The following RYR1 variants were observed in gnomAD, a reference collection of about 807,000 sequenced individuals.
RYR1 encodes ryanodine receptor 1.
RYR1 carries 342 observed loss-of-function variants against 583.5 expected under a neutral mutation model. That is an observed-to-expected ratio of 0.59 (90% CI 0.54 to 0.64). The LOEUF (loss-of-function observed/expected upper bound fraction) is 0.64, where lower values mean the gene tolerates loss of function less well. Ranked by LOEUF, RYR1 falls within the 30% of genes least tolerant of loss-of-function variation. RYR1 has a pLI of 0.00. For synonymous variants in RYR1, 2,791 were observed against 2,822.5 expected, an observed-to-expected ratio of 0.99 and a Z score of 0.35; for missense variants, 6,032 against 6,917.2, an observed-to-expected ratio of 0.87 and a Z score of 4.54.
rs140128718 is a variant in RYR1, at chr19:38,538,540, A to G, written c.11689+580A>G. ...AATTTGCCCAAATGGACAATTTGTC[A>G]CATGCTATTTTCCCACAGGCGCTCT... On this transcript the variant is annotated intron_variant, in intron 84 of 105. Transcript: ENST00000359596. The G allele has an allele frequency of 3.9e-3, 602 of 155,010 alleles. 3 individuals carry two copies. The highest frequency in any genetic ancestry group is 0.014 in the African/African-American group (562 of 41,588). The allele number at this position is 155,010 out of a possible 1,614,324, so 9.6% of individuals were successfully genotyped here. A position where few individuals can be genotyped will look rare whatever the true frequency, so the allele number is the denominator to read the frequency against.
chr19:38,503,576 C>T (rs1238322164), intron 49 of RYR1, among the ~76,000 whole-genome samples: 1 of 152,080 alleles, frequency 6.6e-6, no homozygotes, highest in Non-Finnish European at 1.5e-5. Context: ...AGTTCGAGAC[C>T]AGCCTGGCCA....
At chr19:38,463,720 A>G (rs1399723492) in intron 21 of RYR1, 27 bp from the exon 22 acceptor site, 2 of 1,600,738 alleles carry the variant, frequency 1.2e-6, no homozygotes, top group African/African-American at 1.3e-5. Context: ...AGGGGAGCAC[A>G]TGGAGTTGAC....
At chr19:38,572,726 C>G (rs1454269084) in intron 95 of RYR1, among the ~76,000 whole-genome samples, 1 of 152,044 alleles carries the variant, frequency 6.6e-6, no homozygotes, top group Non-Finnish European at 1.5e-5. Context: ...CCACAGCTCC[C>G]CTGTTCTCAC....
In RYR1 at chr19:38,494,447, C is replaced by T. The variant is rs1294930478; in HGVS notation, c.6370C>T (p.Leu2124=). 3.1e-6 allele frequency: 5 copies of T among 1,612,536 alleles called. No homozygotes were observed. Among genetic ancestry groups the T allele is most frequent in the Non-Finnish European group, 4.2e-6 (5 of 1,180,042 alleles). Residue 2124 remains leucine (L), a synonymous_variant, in exon 39 of 106, where the codon CTG becomes TTG. Transcript: ENST00000359596. ...GCTGGTGCGGGCCATGTTCAGCCTC[C>T]TGCACCGGCAGTACGACGGGCTGGG... is the stretch of plus-strand genomic sequence containing the variant. ...PELVRAMFSL[L]HRQYDGLGEL... is the part of the protein sequence containing the mutation.
intron 90 of RYR1, among the ~76,000 whole-genome samples, chr19:38,563,644 C>G (rs190800286): frequency 6.6e-6 from 1 of 152,180 alleles, no homozygotes; most frequent in African/African-American, 2.4e-5. Flanking sequence ...TCACACCAAC[C>G]CTATAATGTA....
intron 50 of RYR1, 29 bp from the exon 51 acceptor site, chr19:38,504,719 C>G: frequency 6.5e-7 from 1 of 1,529,498 alleles, no homozygotes; most frequent in South Asian, 1.1e-5. Context: ...ATAGCGACCT[C>G]CTACCCCTGC....
rs527383883 is a variant in RYR1 at position 38,486,175 on chromosome 19, T to A, written c.5520T>A (p.Pro1840=). ...VGGSVEFQFV[P]VLKLVSTLLV... ...GCTCCGTGGAGTTCCAGTTTGTGCCTGTGCTCAAGCTCGTGTCCACCCTGC... is the reference window on the plus strand; with the variant it reads ...GCTCCGTGGAGTTCCAGTTTGTGCCAGTGCTCAAGCTCGTGTCCACCCTGC... Residue 1840 remains proline, a synonymous_variant, in exon 34 of 106, where the codon CCT becomes CCA. Transcript: ENST00000359596. 2.5e-6 allele frequency: 4 copies of A among 1,613,016 alleles called. No homozygotes were observed. In the Admixed American group the frequency reaches 6.7e-5, roughly 27 times the overall value.
At chr19:38,480,837 C>G (rs567673402) in intron 31 of RYR1, among the ~76,000 whole-genome samples, 5 of 151,706 alleles carry the variant, frequency 3.3e-5, no homozygotes, top group South Asian at 4.2e-4. Context: ...CTTCGCCTCC[C>G]GGGCTCAAGC....
chr19:38,489,347 G>A lies in RYR1; in HGVS notation c.5718G>A (p.Glu1906=). 6.2e-7 allele frequency: 1 copy of A among 1,611,254 alleles called. No individual in the cohort carries two copies. Among genetic ancestry groups the A allele is most frequent in the Non-Finnish European group, 8.5e-7 (1 of 1,177,520 alleles). The change falls in exon 35 of 106, where the codon GAG becomes GAA. Residue 1906 remains glutamate (E), a synonymous_variant. Coordinates refer to ENST00000359596, the MANE Select transcript of RYR1 (RefSeq NM_000540.3). ...AAACAGCACAGGAAAAGGAAGATGA[G>A]GAAAAAGAGGAAGAGGAGGCAGCAG... ...EEETAQEKED[E]EKEEEEAAEG... is the part of the protein sequence containing the mutation.
intron 60 of RYR1, 85 bp downstream of exon 60, chr19:38,510,866 G>T: frequency 6.3e-7 from 1 of 1,589,116 alleles, no homozygotes. Context: ...CCTGGGTGCT[G>T]GGTGTTGGGT....
intron 99 of RYR1, 22 bp from the exon 100 acceptor site, chr19:38,579,960 C>T (rs1390524464): frequency 4.3e-6 from 7 of 1,614,036 alleles, no homozygotes; most frequent in African/African-American, 1.3e-5. Context: ...TCCCCCTGAC[C>T]CCTGGCCCTG....
rs770673018 is a variant in RYR1 at position 38,490,748 on chromosome 19, CAG to C, written c.6127+21_6127+22del. ...GCACACTGTGGTAAGGAGTGGGGATCAGAGAGTCCTCCCCATGCTAACTTTCT... is the reference window on the plus strand; with the variant it reads ...GCACACTGTGGTAAGGAGTGGGGATCAGAGTCCTCCCCATGCTAACTTTCT... On this transcript the variant is annotated intron_variant, in intron 37 of 105. Coordinates refer to ENST00000359596, the MANE Select transcript of RYR1 (RefSeq NM_000540.3). 5 of 1,510,460 alleles carry C rather than the reference CAG, an allele frequency of 3.3e-6. No individual in the cohort carries two copies. The highest frequency in any genetic ancestry group is 2.7e-5 in the African/African-American group (2 of 72,948). The allele number at this position is 1,510,460 out of a possible 1,614,324, so 93.6% of individuals were successfully genotyped here.
intron 47 of RYR1, among the ~76,000 whole-genome samples, chr19:38,501,488 C>T (rs981454147): frequency 6.6e-6 from 1 of 151,914 alleles, no homozygotes; most frequent in African/African-American, 2.4e-5. Flanking sequence ...TGGAGCGAGA[C>T]TCCATCTCAA....
In RYR1 at chr19:38,507,747, T is replaced by C; in HGVS notation, c.8852T>C (p.Ile2951Thr). The change falls in exon 58 of 106, where the codon ATT (isoleucine) becomes ACT (threonine). Residue 2951 changes from isoleucine to threonine, a missense_variant. Around this residue, in one of 11 missense-constraint regions of RYR1, gnomAD observed 1,493 missense variants for 1,715.5 expected, o/e 0.87. Transcript: ENST00000359596. ...LKDMELDSSS[I>T]EKRFAFGFLQ... ...GACATGGAACTGGACTCGTCTTCCA[T>C]TGAAAAGCGGTTTGCCTTTGGCTTC... 2 of 1,613,760 alleles carry C rather than the reference T, an allele frequency of 1.2e-6. No homozygotes were observed. Among genetic ancestry groups the C allele is most frequent in the Non-Finnish European group, 1.7e-6 (2 of 1,179,696 alleles).
At chr19:38,459,385 G>C (rs1967608419) in intron 19 of RYR1, 47 bp downstream of exon 19, 1 of 1,575,636 alleles carries the variant, frequency 6.3e-7, no homozygotes, top group African/African-American at 1.3e-5. Flanking sequence ...ACCTAGGACT[G>C]ACCTGAGACA....
chr19:38,468,044 TC>T (rs1968207126), intron 25 of RYR1, among the ~76,000 whole-genome samples: 9 of 139,838 alleles, frequency 6.4e-5, no homozygotes, highest in South Asian at 4.7e-4. Flanking sequence ...CATCCATCCA[TC>T]CATCATCCAT....
chr19:38,478,673 CCTG>C, intron 31 of RYR1, 73 bp downstream of exon 31: 1 of 1,537,058 alleles, frequency 6.5e-7, no homozygotes, highest in Non-Finnish European at 8.9e-7. Flanking sequence ...ATAGATGTCC[CCTG>C]AGGCCAGACC....
chr19:38,513,735 C>CAA (rs35735689), intron 63 of RYR1, among the ~76,000 whole-genome samples: 4 of 128,196 alleles, frequency 3.1e-5, no homozygotes, highest in African/African-American at 5.8e-5. Context: ...GACTCCATCT[C>CAA]AAAAAAAAAA....
chr19:38,492,553 T>C lies in RYR1; in HGVS notation c.6191T>C (p.Met2064Thr), dbSNP rs200388510. 8 of 1,613,928 alleles carry C rather than the reference T, an allele frequency of 5.0e-6. No homozygotes were observed. The highest frequency in any genetic ancestry group is 4.4e-5 in the South Asian group (4 of 91,084). ...GAGACCACCCTGGGCAGCCGCCTCATGAGCCTGTTGGAGAAAGTGCGGCTG... is the reference window on the plus strand; with the variant it reads ...GAGACCACCCTGGGCAGCCGCCTCACGAGCCTGTTGGAGAAAGTGCGGCTG... ...EEETTLGSRL[M>T]SLLEKVRLVK... is the part of the protein sequence containing the mutation. The change falls in exon 38 of 106, where the codon ATG (methionine) becomes ACG (threonine). Residue 2064 changes from methionine (M) to threonine (T), a missense_variant. Physicochemically the swap from Met to Thr is moderately conservative, Grantham distance 81. Coordinates refer to ENST00000359596, the MANE Select transcript of RYR1 (RefSeq NM_000540.3).
Sources: allele counts gnomAD v4.1 joint callset (sites outside exome capture counted in the v4.1 genomes callset), GRCh38; gene constraint gnomAD v4.1.1; regional missense constraint gnomAD v4.1.1; transcripts MANE v1.5; gene names NCBI Gene and HGNC (gene_info 2026-07-23, HGNC 2026-07-21).